IL1RAPL1: variants seen among roughly 807,000 people sequenced by gnomAD.
IL1RAPL1 encodes interleukin-1 receptor accessory protein-like 1.
Under a neutral mutation model 48.4 loss-of-function variants are expected in IL1RAPL1, and 3 were observed. The observed-to-expected ratio is 0.06, with a 90% CI of 0.03 to 0.16. IL1RAPL1 has a LOEUF of 0.16. IL1RAPL1 is among the 10% of genes least tolerant of loss of function. IL1RAPL1 has a pLI of 1.00. For missense variants in IL1RAPL1, 349 were observed against 530.6 expected, an observed-to-expected ratio of 0.66 and a Z score of 3.36; for synonymous variants, 185 against 187.7, an observed-to-expected ratio of 0.99 and a Z score of 0.12.
intron 6 of IL1RAPL1, among the ~76,000 whole-genome samples, chrX:29,672,320 C>A (rs1926162098): frequency 9.0e-6 from 1 of 111,409 alleles, no homozygotes; most frequent in Non-Finnish European, 1.9e-5. Context: ...TAAACTCCCA[C>A]CAGAAGTATG....
At chrX:28,674,932 CTG>C (rs1360412224) in intron 1 of IL1RAPL1, among the ~76,000 whole-genome samples, 1 of 111,909 alleles carries the variant, frequency 8.9e-6, no homozygotes, top group Non-Finnish European at 1.9e-5. Flanking sequence ...TCTCTAGACA[CTG>C]TGCCTGGCAA....
intron 6 of IL1RAPL1, among the ~76,000 whole-genome samples, chrX:29,862,636 C>A (rs1231508272): frequency 9.0e-6 from 1 of 111,314 alleles, no homozygotes; most frequent in Non-Finnish European, 1.9e-5. Flanking sequence ...AACAAAAACG[C>A]AGCCTAATTT....
chrX:28,631,814 A>C (rs1224431746), intron 1 of IL1RAPL1, among the ~76,000 whole-genome samples: 1 of 112,317 alleles, frequency 8.9e-6, no homozygotes, highest in Non-Finnish European at 1.9e-5. Flanking sequence ...GGGAGACATA[A>C]GTACTCCTAG....
At chrX:29,549,682 A>C (rs1276482232) in intron 5 of IL1RAPL1, among the ~76,000 whole-genome samples, 1 of 111,846 alleles carries the variant, frequency 8.9e-6, no homozygotes, top group Non-Finnish European at 1.9e-5. Flanking sequence ...AGCAGAGCAA[A>C]TATTTCCTGT....
chrX:29,227,632 T>C (rs1221303749), intron 2 of IL1RAPL1, among the ~76,000 whole-genome samples: 1 of 112,157 alleles, frequency 8.9e-6, no homozygotes, highest in African/African-American at 3.2e-5. Flanking sequence ...CTTGTATCAC[T>C]TTTTTGACAT....
chrX:28,908,094 GTCTC>G (rs779576091), intron 2 of IL1RAPL1, among the ~76,000 whole-genome samples: 5 of 111,013 alleles, frequency 4.5e-5, no homozygotes, highest in African/African-American at 1.6e-4. Flanking sequence ...GGTAATTTTT[GTCTC>G]TCTCATTTTT....
chrX:29,835,690 A>G (rs974051977), intron 6 of IL1RAPL1, among the ~76,000 whole-genome samples: 2 of 110,643 alleles, frequency 1.8e-5, no homozygotes, highest in African/African-American at 6.6e-5. Context: ...TTCCTTTCTT[A>G]TTATTGGTCA....
intron 2 of IL1RAPL1, among the ~76,000 whole-genome samples, chrX:29,012,855 A>G (rs1926155363): frequency 8.9e-6 from 1 of 112,051 alleles, no homozygotes; most frequent in South Asian, 3.7e-4. Flanking sequence ...ATTAAGGTTG[A>G]GCAAACTTTC....
intron 1 of IL1RAPL1, among the ~76,000 whole-genome samples, chrX:28,703,452 T>C (rs1349063708): frequency 1.8e-5 from 2 of 111,490 alleles, no homozygotes; most frequent in African/African-American, 6.5e-5. Context: ...ATTCTTAACC[T>C]CTCTTGAAAA....
intron 6 of IL1RAPL1, among the ~76,000 whole-genome samples, chrX:29,778,452 A>G (rs1167124717): frequency 8.9e-6 from 1 of 111,913 alleles, no homozygotes; most frequent in Non-Finnish European, 1.9e-5. Context: ...CACCTCTACA[A>G]TGTTAGCTCC....
chrX:28,865,438 C>A (rs868652273), intron 2 of IL1RAPL1, among the ~76,000 whole-genome samples: 134 of 83,238 alleles, frequency 1.6e-3, no homozygotes, highest in African/African-American at 2.0e-3. Context: ...GACCCTGTCT[C>A]AAAAAAAAAA....
intron 6 of IL1RAPL1, among the ~76,000 whole-genome samples, chrX:29,832,145 G>A (rs1192338125): frequency 9.0e-6 from 1 of 111,727 alleles, no homozygotes; most frequent in Non-Finnish European, 1.9e-5. Flanking sequence ...TATTCTCAAG[G>A]ACTGATAAAT....
chrX:29,539,120 A>G (rs1231644330), intron 5 of IL1RAPL1, among the ~76,000 whole-genome samples: 1 of 111,666 alleles, frequency 9.0e-6, no homozygotes, highest in Non-Finnish European at 1.9e-5. Context: ...CCAAAAAACT[A>G]CGGACCAATA....
At chrX:28,859,144 T>C (rs1601934322) in intron 2 of IL1RAPL1, among the ~76,000 whole-genome samples, 2 of 112,532 alleles carry the variant, frequency 1.8e-5, no homozygotes, top group Non-Finnish European at 3.8e-5. Flanking sequence ...GGTTAGATAT[T>C]ATTTCTTATG....
intron 5 of IL1RAPL1, among the ~76,000 whole-genome samples, chrX:29,483,618 C>A (rs1935063715): frequency 1.8e-5 from 2 of 110,885 alleles, no homozygotes; most frequent in Admixed American, 9.6e-5. Flanking sequence ...ATAAATTATT[C>A]TTATGATATA....
At chrX:29,391,456 G>C (rs149442552) in intron 3 of IL1RAPL1, among the ~76,000 whole-genome samples, 1,829 of 111,066 alleles carry the variant, frequency 0.016, 19 homozygotes, top group Middle Eastern at 0.042. Context: ...AGAAGTAAAT[G>C]CTTTTATATA....
chrX:29,359,022 C>CA (rs954929090), intron 3 of IL1RAPL1, among the ~76,000 whole-genome samples: 1,332 of 93,748 alleles, frequency 0.014, 21 homozygotes, highest in African/African-American at 0.047. Context: ...GACTCCATCT[C>CA]AAAAAAAAAA....
chrX:29,226,844 AAAT>A (rs1931092981), intron 2 of IL1RAPL1, among the ~76,000 whole-genome samples: 1 of 112,066 alleles, frequency 8.9e-6, no homozygotes, highest in Non-Finnish European at 1.9e-5. Context: ...TAAAGTTCTC[AAAT>A]AATGAGCTAA....
intron 2 of IL1RAPL1, among the ~76,000 whole-genome samples, chrX:29,026,710 ATGG>A (rs1569222116): frequency 8.9e-6 from 1 of 112,016 alleles, no homozygotes; most frequent in Non-Finnish European, 1.9e-5. Flanking sequence ...AGGTGAGATA[ATGG>A]CACAATGGTT....
Sources: gnomAD v4.1 joint callset for allele counts (sites outside exome capture counted in the v4.1 genomes callset) on GRCh38, gnomAD v4.1.1 for gene constraint, MANE v1.5 for transcripts, NCBI Gene and HGNC (gene_info 2026-07-23, HGNC 2026-07-21) for gene names.